TENM2: variants seen among roughly 807,000 people sequenced by gnomAD.
The protein encoded by TENM2 is teneurin-2.
TENM2 carries 52 observed loss-of-function variants against 245.2 expected under a neutral mutation model. The ratio of observed to expected loss-of-function variants is 0.21; its 90% CI spans 0.17 to 0.27. TENM2 has a LOEUF of 0.27. Among genes scored for constraint, TENM2 ranks in the 10% least tolerant of loss-of-function variants. The pLI, the probability that TENM2 is intolerant of heterozygous loss-of-function variation, is 1.00. For synonymous variants in TENM2, 1,363 were observed against 1,438.9 expected, an observed-to-expected ratio of 0.95 and a Z score of 1.19; for missense variants, 3,046 against 3,666.8, an observed-to-expected ratio of 0.83 and a Z score of 4.37.
the TENM2 span, among the ~76,000 whole-genome samples, chr5:167,137,891 T>A: frequency 6.6e-6 from 1 of 152,232 alleles, no homozygotes; most frequent in Non-Finnish European, 1.5e-5. Context: ...CATTTCAAAA[T>A]TTGACACCAT....
At chr5:168,198,377 G>A (rs536258589) in intron 15 of TENM2, among the ~76,000 whole-genome samples, 1 of 151,950 alleles carries the variant, frequency 6.6e-6, no homozygotes, top group African/African-American at 2.4e-5. Flanking sequence ...TATATTTTTA[G>A]CAGAGACAGG....
intron 2 of TENM2, among the ~76,000 whole-genome samples, chr5:167,606,601 G>A (rs564520280): frequency 5.9e-5 from 9 of 152,124 alleles, no homozygotes; most frequent in Non-Finnish European, 1.3e-4. Flanking sequence ...CATTTAGTCC[G>A]TAATGCTAAG....
intron 2 of TENM2, among the ~76,000 whole-genome samples, chr5:167,500,822 G>A (rs1769165784): frequency 6.6e-6 from 1 of 152,114 alleles, no homozygotes; most frequent in Non-Finnish European, 1.5e-5. Context: ...GGGAAGAGAG[G>A]TAGTTCCTCA....
intron 4 of TENM2, among the ~76,000 whole-genome samples, chr5:167,954,622 CTGCCCCCTCACAG>C (rs1226500170): frequency 6.6e-6 from 1 of 152,198 alleles, no homozygotes; most frequent in Non-Finnish European, 1.5e-5. Flanking sequence ...CCCTAGGCCC[CTGCCCCCTCACAG>C]GCCCCAGTGT....
At chr5:167,685,483 C>G (rs1460345251) in intron 2 of TENM2, among the ~76,000 whole-genome samples, 2 of 152,072 alleles carry the variant, frequency 1.3e-5, no homozygotes, top group Non-Finnish European at 2.9e-5. Flanking sequence ...AAAGAATCCC[C>G]GATGTGATCT....
intron 3 of TENM2, among the ~76,000 whole-genome samples, chr5:167,893,895 G>A (rs758793985): frequency 1.3e-5 from 2 of 152,084 alleles, no homozygotes; most frequent in African/African-American, 2.4e-5. Context: ...TATGCCTAAC[G>A]TGCTCTTGAA....
intron 10 of TENM2, among the ~76,000 whole-genome samples, chr5:168,122,953 T>C (rs978914325): frequency 4.6e-5 from 7 of 152,180 alleles, no homozygotes; most frequent in African/African-American, 1.2e-4. Context: ...ATTTGTGGCA[T>C]GGATACTCTA....
chr5:168,067,719 C>T (rs376836248), intron 7 of TENM2, among the ~76,000 whole-genome samples: 5 of 152,124 alleles, frequency 3.3e-5, no homozygotes, highest in African/African-American at 1.2e-4. Context: ...TTTGGAGCTC[C>T]TTGGCTCTGT....
the TENM2 span, among the ~76,000 whole-genome samples, chr5:167,079,987 C>G: frequency 6.6e-6 from 1 of 152,190 alleles, no homozygotes; most frequent in Admixed American, 6.5e-5. Context: ...GTATAATGAA[C>G]ATAGTTATAT....
chr5:167,549,637 A>G (rs1772802783), intron 2 of TENM2, among the ~76,000 whole-genome samples: 1 of 152,202 alleles, frequency 6.6e-6, no homozygotes, highest in African/African-American at 2.4e-5. Context: ...AATAATGGCA[A>G]TGGAGATTTG....
intron 2 of TENM2, among the ~76,000 whole-genome samples, chr5:167,863,942 A>G (rs1772074369): frequency 6.6e-6 from 1 of 152,242 alleles, no homozygotes; most frequent in Non-Finnish European, 1.5e-5. Flanking sequence ...AACAACCTAG[A>G]CCTAGTCCTA....
At chr5:167,906,990 T>C (rs1776135459) in intron 3 of TENM2, among the ~76,000 whole-genome samples, 1 of 152,130 alleles carries the variant, frequency 6.6e-6, no homozygotes, top group Admixed American at 6.5e-5. Context: ...CTCCGCACTT[T>C]GGGAGGCTGA....
At chr5:167,725,147 G>C (rs1317986534) in intron 2 of TENM2, among the ~76,000 whole-genome samples, 2 of 152,080 alleles carry the variant, frequency 1.3e-5, no homozygotes, top group Non-Finnish European at 2.9e-5. Context: ...ATGGGAAATG[G>C]ATTCTTATTA....
chr5:167,299,833 G>A (rs1755198542), intron 1 of TENM2, among the ~76,000 whole-genome samples: 1 of 152,132 alleles, frequency 6.6e-6, no homozygotes, highest in South Asian at 2.1e-4. Context: ...AGGAACAATG[G>A]TAATTATGGG....
At chr5:167,557,638 G>A (rs537008693) in intron 2 of TENM2, among the ~76,000 whole-genome samples, 11 of 152,302 alleles carry the variant, frequency 7.2e-5, no homozygotes, top group Non-Finnish European at 1.3e-4. Flanking sequence ...GAGACTGTAC[G>A]TGGCTTATTT....
chr5:167,060,379 G>A, the TENM2 span, among the ~76,000 whole-genome samples: 8 of 148,604 alleles, frequency 5.4e-5, no homozygotes, highest in East Asian at 3.9e-4. Flanking sequence ...AAGGCCAGGC[G>A]CTGTGGGTCA....
chr5:167,167,117 A>G, the TENM2 span, among the ~76,000 whole-genome samples: 1 of 152,176 alleles, frequency 6.6e-6, no homozygotes, highest in Admixed American at 6.5e-5. Flanking sequence ...TAGAATGACA[A>G]TCCTTTAGCT....
intron 2 of TENM2, among the ~76,000 whole-genome samples, chr5:167,457,699 C>T (rs1445398633): frequency 6.6e-6 from 1 of 152,146 alleles, no homozygotes; most frequent in East Asian, 1.9e-4. Flanking sequence ...TGCAAAATGA[C>T]AAAGTACTTC....
upstream of TENM2, chr5:167,284,669 A>T (rs1771234891): frequency 1.6e-6 from 1 of 609,352 alleles, no homozygotes; most frequent in African/African-American, 1.8e-5. Context: ...CCAAGGCTGC[A>T]TGTTCATGTT....
Sources: gnomAD v4.1 joint callset for allele counts (sites outside exome capture counted in the v4.1 genomes callset) on GRCh38, gnomAD v4.1.1 for gene constraint, MANE v1.5 for transcripts, NCBI Gene and HGNC (gene_info 2026-07-23, HGNC 2026-07-21) for gene names.